WDR27: variants seen among roughly 807,000 people sequenced by gnomAD.
The protein encoded by WDR27 is WD repeat domain 27.
WDR27 carries 100 observed loss-of-function variants against 114.4 expected under a neutral mutation model. The ratio of observed to expected loss-of-function variants is 0.87; its 90% CI spans 0.74 to 1.03. The LOEUF (loss-of-function observed/expected upper bound fraction) is 1.03, where lower values mean the gene tolerates loss of function less well. Ranked by LOEUF, WDR27 falls within the 50% of genes least tolerant of loss-of-function variation. The probability of loss-of-function intolerance (pLI) is 0.00; values close to 1 mark genes in which losing one functional copy is unlikely to be tolerated. For missense variants in WDR27, 1,129 were observed against 1,092.9 expected (o/e 1.03, Z -0.47); for synonymous variants, 449 against 423.1 (o/e 1.06, Z -0.75).
intron 25 of WDR27, among the ~76,000 whole-genome samples, chr6:169,533,800 T>G (rs1223629051): frequency 6.6e-6 from 1 of 151,440 alleles, no homozygotes; most frequent in Non-Finnish European, 1.5e-5. Flanking sequence ...CACCAACTGG[T>G]AATGGTTCTC....
chr6:169,447,552 T>C, the WDR27 span, among the ~76,000 whole-genome samples: 38 of 152,322 alleles, frequency 2.5e-4, no homozygotes, highest in African/African-American at 9.1e-4. Context: ...GTTTTGTTTT[T>C]ACATAAGGAG....
chr6:169,677,933 G>C (rs1780487493), intron 2 of WDR27, among the ~76,000 whole-genome samples: 14 of 152,252 alleles, frequency 9.2e-5, no homozygotes, highest in Admixed American at 8.5e-4. Context: ...AGGAGGCTTA[G>C]CAGCCTCCAG....
chr6:169,464,640 T>C lies in WDR27; in HGVS notation c.2646-7006A>G, dbSNP rs1463249565. ...AATCATCTACCTGACAAGAAGCAAATTTGGTGTCTGGTAACAGCCTACTCT... is the reference window on the plus strand; with the variant it reads ...AATCATCTACCTGACAAGAAGCAAACTTGGTGTCTGGTAACAGCCTACTCT... On this transcript the variant is annotated intron_variant, in intron 25 of 25. Transcript: ENST00000448612. Among the ~76,000 whole-genome samples, 5 of 152,256 alleles carry C rather than the reference T, an allele frequency of 3.3e-5. No individual in the cohort carries two copies. In the East Asian group the frequency reaches 9.7e-4, roughly 29 times the overall value.
chr6:169,639,810 C>A (rs1386328711), intron 17 of WDR27, among the ~76,000 whole-genome samples: 1 of 152,194 alleles, frequency 6.6e-6, no homozygotes, highest in African/African-American at 2.4e-5. Context: ...GCTGTCAGGG[C>A]AGGAGGCATC....
rs758234845 is a variant in WDR27, at chr6:169,662,334, A to G, written c.995T>C (p.Leu332Pro). 1.2e-6 allele frequency: 2 copies of G among 1,613,836 alleles called. No individual in the cohort carries two copies. The highest frequency in any genetic ancestry group is 1.7e-6 in the Non-Finnish European group (2 of 1,179,822). ...ACATGCAGAATTTGGGATGAGTGAG[A>G]GATCACAGGGTGCAAGTCTCAGTAC... The part of the protein sequence containing the change: ...FPVLRLAPCD[L>P]SLIPNSACGC... Residue 332 changes from leucine (L) to proline (P), a missense_variant, in exon 9 of 26, where the codon CTC becomes CCC. Coordinates refer to ENST00000448612, the MANE Select transcript of WDR27 (RefSeq NM_182552.5).
chr6:169,507,096 T>C (rs150580001), intron 25 of WDR27, among the ~76,000 whole-genome samples: 191 of 152,344 alleles, frequency 1.3e-3, no homozygotes, highest in African/African-American at 3.5e-3. Flanking sequence ...TTTTGAGTCC[T>C]AAAAAACACT....
At chr6:169,518,442 T>C (rs1311965545) in intron 25 of WDR27, among the ~76,000 whole-genome samples, 1 of 152,264 alleles carries the variant, frequency 6.6e-6, no homozygotes, top group African/African-American at 2.4e-5. Context: ...TAATGCCACA[T>C]GGAAGCCACC....
At chr6:169,504,100 A>G (rs73789982) in intron 25 of WDR27, among the ~76,000 whole-genome samples, 2,505 of 152,332 alleles carry the variant, frequency 0.016, 64 homozygotes, top group African/African-American at 0.057. Context: ...AACAGTGTGT[A>G]GTTATGTGAT....
At chr6:169,555,866 T>C (rs1242211837) in intron 25 of WDR27, among the ~76,000 whole-genome samples, 1 of 152,090 alleles carries the variant, frequency 6.6e-6, no homozygotes, top group African/African-American at 2.4e-5. Context: ...CAGTGAAATT[T>C]AGCGGGAAAA....
rs536085525 is a variant in WDR27 at position 169,650,251 on chromosome 6, TCCC to T, written c.1482-979_1482-977del. Among the ~76,000 whole-genome samples the T allele has an allele frequency of 4.2e-5, 5 of 118,484 alleles. No homozygotes were observed. The East Asian group carries it at 8.6e-4, about 20-fold the overall frequency. 77.7% of individuals were successfully genotyped at this position (118,484 alleles called of 152,430 possible). On this transcript the variant is annotated intron_variant, in intron 14 of 25. Coordinates refer to ENST00000448612, the MANE Select transcript of WDR27 (RefSeq NM_182552.5). ...TACTCATCCATCCCTCATCTCTGCA[TCCC>T]CCCATCCCCTCCATCTACCCACCCA... is the stretch of plus-strand genomic sequence containing the variant.
intron 6 of WDR27, among the ~76,000 whole-genome samples, chr6:169,666,186 G>C (rs6913363): frequency 6.6e-6 from 1 of 152,128 alleles, no homozygotes; most frequent in Admixed American, 6.5e-5. Context: ...CTTGGCAACC[G>C]AACAGTAATT....
At chr6:169,577,789 G>A (rs1412991660) in intron 24 of WDR27, among the ~76,000 whole-genome samples, 3 of 152,124 alleles carry the variant, frequency 2.0e-5, no homozygotes, top group Non-Finnish European at 2.9e-5. Context: ...AACCATTTGC[G>A]TTTCTGCCGG....
Position 169,476,659 on chromosome 6 carries a change from T to C in WDR27, c.2646-19025A>G, listed in dbSNP as rs193073774. Reference sequence around the variant, plus strand: ...CAGCAGTTTATTAGAGATTTAAAATTTTCCCCATGGCTATTTTTTTTTAGT... The same window carrying C: ...CAGCAGTTTATTAGAGATTTAAAATCTTCCCCATGGCTATTTTTTTTTAGT... On this transcript the variant is annotated intron_variant, in intron 25 of 25. Transcript: ENST00000448612. Among the ~76,000 whole-genome samples the C allele has an allele frequency of 5.2e-3, 797 of 152,190 alleles. 3 individuals carry two copies. The highest frequency in any genetic ancestry group is 7.6e-3 in the Admixed American group (116 of 15,300).
intron 25 of WDR27, among the ~76,000 whole-genome samples, chr6:169,565,541 A>G (rs962814785): frequency 3.9e-5 from 6 of 152,324 alleles, no homozygotes; most frequent in Non-Finnish European, 5.9e-5. Flanking sequence ...TGTCCCGTTC[A>G]CAATGTGTGT....
chr6:169,454,332 T>G (rs899408849), downstream of WDR27, among the ~76,000 whole-genome samples: 1 of 152,178 alleles, frequency 6.6e-6, no homozygotes, highest in Admixed American at 6.5e-5. Flanking sequence ...TTCTTGGTGG[T>G]CCTGTCAAAC....
chr6:169,568,328 C>A (rs1275458676), intron 25 of WDR27, among the ~76,000 whole-genome samples: 1 of 152,066 alleles, frequency 6.6e-6, no homozygotes, highest in Admixed American at 6.6e-5. Context: ...GGAAAAAAAA[C>A]ATTTCTTATA....
At chr6:169,628,371 C>T (rs755542772) in intron 21 of WDR27, among the ~76,000 whole-genome samples, 1 of 152,194 alleles carries the variant, frequency 6.6e-6, no homozygotes, top group Non-Finnish European at 1.5e-5. Flanking sequence ...TGAGACTCCA[C>T]ATTTGGAGCC....
At chr6:169,661,619 G>GT (rs1375578621) in intron 9 of WDR27, among the ~76,000 whole-genome samples, 1 of 152,168 alleles carries the variant, frequency 6.6e-6, no homozygotes, top group Non-Finnish European at 1.5e-5. Context: ...TCTGCTCGAG[G>GT]TAAGCCAGGG....
intron 25 of WDR27, among the ~76,000 whole-genome samples, chr6:169,503,016 G>C (rs902432078): frequency 6.6e-6 from 1 of 152,158 alleles, no homozygotes; most frequent in Non-Finnish European, 1.5e-5. Context: ...AGGAAGATGA[G>C]GTGACCATCA....
Sources: gnomAD v4.1 joint callset for allele counts (sites outside exome capture counted in the v4.1 genomes callset) on GRCh38, gnomAD v4.1.1 for gene constraint, MANE v1.5 for transcripts, NCBI Gene and HGNC (gene_info 2026-07-23, HGNC 2026-07-21) for gene names.